Variants in S100PBP observed in about 807,000 individuals in gnomAD.
The protein encoded by S100PBP is S100P-binding protein.
S100PBP carries 15 observed loss-of-function variants against 39.9 expected under a neutral mutation model. The observed-to-expected ratio is 0.38, with a 90% CI of 0.25 to 0.58. S100PBP has a LOEUF of 0.58. S100PBP is among the 20% of genes least tolerant of loss of function. The pLI, the probability that S100PBP is intolerant of heterozygous loss-of-function variation, is 0.70. For synonymous variants in S100PBP, 178 were observed against 180.3 expected, an observed-to-expected ratio of 0.99 and a Z score of 0.10; for missense variants, 504 against 487.3, an observed-to-expected ratio of 1.03 and a Z score of -0.32.
At chr1:32,839,969 A>G (rs1209512975) in intron 5 of S100PBP, among the ~76,000 whole-genome samples, 1 of 151,160 alleles carries the variant, frequency 6.6e-6, no homozygotes, top group African/African-American at 2.4e-5. Flanking sequence ...TCACCACCAC[A>G]CCTGACTAAT....
intron 5 of S100PBP, chr1:32,835,388 TC>T (rs1639772309): frequency 6.6e-6 from 1 of 152,176 alleles, no homozygotes; most frequent in South Asian, 2.1e-4. Context: ...ATCCCATTAA[TC>T]TTTTTTTTTA....
At chr1:32,840,918 T>A (rs1012058543) in intron 5 of S100PBP, among the ~76,000 whole-genome samples, 1 of 151,736 alleles carries the variant, frequency 6.6e-6, no homozygotes, top group Non-Finnish European at 1.5e-5. Context: ...CCCAGCACTT[T>A]GGGAGGCCGA....
Position 32,826,154 on chromosome 1 carries a change from A to C in S100PBP, c.55A>C (p.Lys19Gln). ...EQSSGTSLLP[K>Q]DGAPFSWDSL... ...GTCTTCTGGTACCTCTCTCTTGCCT[A>C]AAGACGGTGCCCCATTTTCTTGGGA... The change falls in exon 3 of 7, where the codon AAA (lysine) becomes CAA (glutamine). Residue 19 changes from lysine to glutamine, a missense_variant. Lys to Gln is a moderately conservative substitution (Grantham distance 53, BLOSUM62 1). Transcript: ENST00000373475. The C allele has an allele frequency of 6.2e-7, 1 of 1,614,082 alleles. No individual in the cohort carries two copies. The highest frequency in any genetic ancestry group is 1.1e-5 in the South Asian group (1 of 91,078).
intron 5 of S100PBP, among the ~76,000 whole-genome samples, chr1:32,839,519 G>A (rs1311897596): frequency 6.6e-6 from 1 of 152,120 alleles, no homozygotes; most frequent in African/African-American, 2.4e-5. Context: ...TAGATCATAT[G>A]CTAATTCTAT....
At chr1:32,830,921 A>G (rs1441130285) in intron 5 of S100PBP, among the ~76,000 whole-genome samples, 4 of 148,880 alleles carry the variant, frequency 2.7e-5, no homozygotes, top group East Asian at 2.0e-4. Context: ...TTCTTTTGGG[A>G]AAAAAAAAAT....
intron 5 of S100PBP, among the ~76,000 whole-genome samples, chr1:32,840,643 C>T (rs1640044420): frequency 6.6e-6 from 1 of 152,010 alleles, no homozygotes; most frequent in South Asian, 2.1e-4. Context: ...AGGTGTGAGC[C>T]ACCACGCCCG....
chr1:32,839,450 C>T lies in S100PBP; in HGVS notation c.1024+9383C>T, dbSNP rs1004799708. Among the ~76,000 whole-genome samples the T allele has an allele frequency of 3.9e-5, 6 of 152,208 alleles. No homozygotes were observed. The East Asian group carries it at 5.8e-4, about 15-fold the overall frequency. On this transcript the variant is annotated intron_variant, in intron 5 of 6. Transcript: ENST00000373475. Reference sequence around the variant, plus strand: ...ATGCCGTTATGCATATGCATCTACACGTATCTTTTTGAGACCCTGCTTGCA... The same window carrying T: ...ATGCCGTTATGCATATGCATCTACATGTATCTTTTTGAGACCCTGCTTGCA...
rs903939096 is a variant in S100PBP, at chr1:32,856,974, T to C, written c.*936T>C. 25 of 152,244 alleles carry C rather than the reference T, an allele frequency of 1.6e-4. No homozygotes were observed. Among genetic ancestry groups the C allele is most frequent in the African/African-American group, 6.0e-4 (25 of 41,466 alleles). 9.4% of individuals were successfully genotyped at this position (152,244 alleles called of 1,614,324 possible). A position where few individuals can be genotyped will look rare whatever the true frequency, so the allele number is the denominator to read the frequency against. ...AGCTGCCCACCCAGAGTCTTGACTCTAGGGCAGGCTAGTGCTATTGTGGTG... is the reference window on the plus strand; with the variant it reads ...AGCTGCCCACCCAGAGTCTTGACTCCAGGGCAGGCTAGTGCTATTGTGGTG... On this transcript the variant is annotated 3_prime_UTR_variant, in exon 7 of 7. Coordinates refer to ENST00000373475, the MANE Select transcript of S100PBP (RefSeq NM_022753.4).
At chr1:32,830,280 G>A (rs930229946) in intron 5 of S100PBP, among the ~76,000 whole-genome samples, 1 of 152,192 alleles carries the variant, frequency 6.6e-6, no homozygotes, top group Non-Finnish European at 1.5e-5. Context: ...ATCTAAGCAC[G>A]TTTACAACAG....
At chr1:32,841,073 AT>A (rs1458904018) in intron 5 of S100PBP, among the ~76,000 whole-genome samples, 1 of 151,684 alleles carries the variant, frequency 6.6e-6, no homozygotes, top group Non-Finnish European at 1.5e-5. Flanking sequence ...AGGCAGGAGA[AT>A]GGCGTGAACC....
intron 5 of S100PBP, among the ~76,000 whole-genome samples, chr1:32,831,555 A>G (rs1639600171): frequency 6.6e-6 from 1 of 152,100 alleles, no homozygotes; most frequent in African/African-American, 2.4e-5. Context: ...ATCAGTCAGA[A>G]GAATTTTTTA....
At chr1:32,828,499 G>A (rs568068181) in intron 4 of S100PBP, among the ~76,000 whole-genome samples, 3 of 152,006 alleles carry the variant, frequency 2.0e-5, no homozygotes, top group East Asian at 3.9e-4. Context: ...CTACCCTTGC[G>A]GAAAAATTCC....
chr1:32,843,653 A>G (rs1056972484), intron 5 of S100PBP, among the ~76,000 whole-genome samples: 1 of 152,140 alleles, frequency 6.6e-6, no homozygotes, highest in African/African-American at 2.4e-5. Flanking sequence ...GGGTTTCTCC[A>G]TATTGGTCAG....
chr1:32,837,006 A>C (rs1288123428), intron 5 of S100PBP: 1 of 151,736 alleles, frequency 6.6e-6, no homozygotes, highest in Non-Finnish European at 1.5e-5. Flanking sequence ...TGGGAGGCTG[A>C]GGTGGGCGGA....
chr1:32,846,574 C>CAA (rs1640388194), intron 5 of S100PBP, among the ~76,000 whole-genome samples: 1 of 151,580 alleles, frequency 6.6e-6, no homozygotes, highest in Admixed American at 6.6e-5. Flanking sequence ...ACTGCCTATA[C>CAA]CTCTTTGTTG....
chr1:32,843,345 A>T (rs374054072), intron 5 of S100PBP, among the ~76,000 whole-genome samples: 1 of 122,700 alleles, frequency 8.1e-6, no homozygotes. Flanking sequence ...GTTGTTGTTG[A>T]GACAAGAATC....
At chr1:32,852,987 C>T (rs1640672875) in intron 5 of S100PBP, 92 bp from the exon 6 acceptor site, 10 of 819,066 alleles carry the variant, frequency 1.2e-5, no homozygotes, top group Non-Finnish European at 2.1e-5. Flanking sequence ...GAGAACAGTG[C>T]CTGTTTTCTC....
At chr1:32,838,470 A>G (rs1639943925) in intron 5 of S100PBP, among the ~76,000 whole-genome samples, 1 of 152,058 alleles carries the variant, frequency 6.6e-6, no homozygotes, top group Admixed American at 6.6e-5. Flanking sequence ...TATGGTCACT[A>G]TTTTAAAATG....
chr1:32,842,200 AAAAC>A lies in S100PBP; in HGVS notation c.1025-10877_1025-10874del, dbSNP rs1398255422. On this transcript the variant is annotated intron_variant, in intron 5 of 6. Transcript: ENST00000373475. ...TGTCTCAAAAAAAAAAAAAAAAAAA[AAAAC>A]ATATATATATATATATGTATATATA... 1.0e-3 allele frequency among the ~76,000 whole-genome samples: 114 copies of A among 110,394 alleles called. 1 individual carries two copies. Among genetic ancestry groups the A allele is most frequent in the African/African-American group, 3.7e-3 (103 of 27,952 alleles). The allele number at this position is 110,394 out of a possible 152,430, so 72.4% of individuals were successfully genotyped here.
Sources: gnomAD v4.1 joint callset for allele counts (sites outside exome capture counted in the v4.1 genomes callset) on GRCh38, gnomAD v4.1.1 for gene constraint, MANE v1.5 for transcripts, NCBI Gene and HGNC (gene_info 2026-07-23, HGNC 2026-07-21) for gene names.